DNAH12: variants seen among roughly 807,000 people sequenced by gnomAD.
DNAH12 encodes the protein axonemal beta dynein heavy chain 12.
A neutral mutation model predicts 371.5 loss-of-function variants in DNAH12; 285 were observed. That is an observed-to-expected ratio of 0.77 (90% confidence interval 0.70 to 0.85). The LOEUF is 0.85. DNAH12 is among the 40% of genes least tolerant of loss of function. The pLI is 0.00. For missense variants in DNAH12, 3,611 were observed against 3,689.4 expected (o/e 0.98, Z 0.55); for synonymous variants, 1,200 against 1,213.0 (o/e 0.99, Z 0.22).
intron 2 of DNAH12, among the ~76,000 whole-genome samples, chr3:57,525,128 T>C (rs1015020293): frequency 4.0e-5 from 4 of 100,144 alleles, no homozygotes; most frequent in Admixed American, 1.3e-4. Flanking sequence ...GCAAAGGAGA[T>C]ACCATCAGGT....
intron 69 of DNAH12, among the ~76,000 whole-genome samples, chr3:57,303,616 C>T (rs962783672): frequency 9.2e-5 from 14 of 151,790 alleles, no homozygotes; most frequent in South Asian, 2.1e-4. Flanking sequence ...GCCATGTTTC[C>T]GAAGCTGGGA....
chr3:57,486,309 C>A (rs2066922470), intron 12 of DNAH12, among the ~76,000 whole-genome samples: 1 of 152,036 alleles, frequency 6.6e-6, no homozygotes, highest in South Asian at 2.1e-4. Flanking sequence ...GAGGCTCACG[C>A]TTGTAAACCC....
chr3:57,323,693 C>T, intron 62 of DNAH12, 74 bp from the exon 63 acceptor site: 2 of 1,376,250 alleles, frequency 1.5e-6, no homozygotes, highest in East Asian at 5.3e-5. Flanking sequence ...TATTGAAAAA[C>T]AACAAAGAAT....
intron 25 of DNAH12, among the ~76,000 whole-genome samples, chr3:57,451,870 C>T (rs941542884): frequency 5.9e-5 from 9 of 152,114 alleles, no homozygotes; most frequent in African/African-American, 2.2e-4. Context: ...TCAGCTGTTT[C>T]CCCATAAGAT....
chr3:57,415,602 A>T, intron 37 of DNAH12, 38 bp from the exon 38 acceptor site: 1 of 1,499,024 alleles, frequency 6.7e-7, no homozygotes, highest in Non-Finnish European at 8.9e-7. Flanking sequence ...CAAAATGGAA[A>T]AAAAGTCAGA....
At chr3:57,322,921 C>A in intron 64 of DNAH12, 86 bp downstream of exon 64, 1 of 1,480,328 alleles carries the variant, frequency 6.8e-7, no homozygotes, top group Non-Finnish European at 9.0e-7. Context: ...CAGAGTAAGA[C>A]TCCGTCTCAA....
chr3:57,343,792 T>C (rs1258226647), intron 60 of DNAH12, among the ~76,000 whole-genome samples: 1 of 152,180 alleles, frequency 6.6e-6, no homozygotes, highest in East Asian at 1.9e-4. Flanking sequence ...AAAACCGCCC[T>C]ATGGTGGGAG....
intron 16 of DNAH12, among the ~76,000 whole-genome samples, chr3:57,470,165 G>A (rs776024544): frequency 3.3e-5 from 5 of 151,724 alleles, no homozygotes; most frequent in South Asian, 2.1e-4. Context: ...GTAATGTGCC[G>A]ACATTGTAAC....
At chr3:57,461,732 G>T (rs1328006830) in intron 18 of DNAH12, 43 bp from the exon 19 acceptor site, 1 of 1,475,398 alleles carries the variant, frequency 6.8e-7, no homozygotes. Context: ...GTGAAGAAAG[G>T]ATCTTATTTA....
At chr3:57,349,965 C>T (rs184491625) in intron 60 of DNAH12, among the ~76,000 whole-genome samples, 4 of 152,324 alleles carry the variant, frequency 2.6e-5, no homozygotes, top group African/African-American at 9.6e-5. Context: ...GCTGGGATTA[C>T]AGGCGTGGGC....
intron 47 of DNAH12, among the ~76,000 whole-genome samples, chr3:57,385,639 T>C (rs1297303342): frequency 1.3e-5 from 2 of 152,194 alleles, no homozygotes; most frequent in South Asian, 2.1e-4. Flanking sequence ...CCTAGCACTT[T>C]GGGAGGTCAA....
At chr3:57,484,073 G>A (rs540473162) in intron 12 of DNAH12, among the ~76,000 whole-genome samples, 1 of 150,948 alleles carries the variant, frequency 6.6e-6, no homozygotes, top group East Asian at 1.9e-4. Context: ...AAAAATTTTA[G>A]CGACCTCTTC....
intron 55 of DNAH12, among the ~76,000 whole-genome samples, chr3:57,368,492 T>TC (rs1189192494): frequency 7.4e-6 from 1 of 134,876 alleles, no homozygotes; most frequent in African/African-American, 2.6e-5. Context: ...CTGCCCAAGG[T>TC]CCCAAGGTTC....
rs1376121261 is a variant in DNAH12, at chr3:57,542,920, C to T, written c.-33-17G>A. On this transcript the variant is annotated splice_polypyrimidine_tract_variant and intron_variant, in intron 1 of 73. Coordinates refer to ENST00000495027, the MANE Select transcript of DNAH12 (RefSeq NM_001366028.2). ...CTCTGTACTCTGAGGAGAAAAAGTC[C>T]ATAAAGCCATTATTATGTCAGCAAG... 4 of 1,473,774 alleles carry T rather than the reference C, an allele frequency of 2.7e-6. No homozygotes were observed. The highest frequency in any genetic ancestry group is 1.4e-5 in the African/African-American group (1 of 70,164). 91.3% of individuals were successfully genotyped at this position (1,473,774 alleles called of 1,614,324 possible).
chr3:57,430,338 C>A (rs867541195), intron 32 of DNAH12, among the ~76,000 whole-genome samples: 32 of 152,088 alleles, frequency 2.1e-4, no homozygotes, highest in Middle Eastern at 3.2e-3. Context: ...TATGTAATCA[C>A]AATAACATTA....
chr3:57,304,847 C>G (rs1266885750), intron 69 of DNAH12, among the ~76,000 whole-genome samples: 1 of 152,062 alleles, frequency 6.6e-6, no homozygotes, highest in East Asian at 1.9e-4. Context: ...CCCTTCTCCA[C>G]TTTCCTGGGG....
intron 35 of DNAH12, among the ~76,000 whole-genome samples, chr3:57,422,978 G>GTATACATTTTT (rs1252716670): frequency 6.6e-6 from 1 of 152,158 alleles, no homozygotes; most frequent in South Asian, 2.1e-4. Flanking sequence ...ATTTAAAAAT[G>GTATACATTTTT]TATACATGTA....
In DNAH12 at chr3:57,483,695, T is replaced by C. The variant is rs917978684; in HGVS notation, c.1515-184A>G. Reference sequence around the variant, plus strand: ...GCACAGTGGCTCACACCTGTAATCATAGCACTTTGAAAGGCCAAGGCAGGC... The same window carrying C: ...GCACAGTGGCTCACACCTGTAATCACAGCACTTTGAAAGGCCAAGGCAGGC... On this transcript the variant is annotated intron_variant, in intron 12 of 73. Transcript: ENST00000495027. Among the ~76,000 whole-genome samples, 4 of 151,826 alleles carry C rather than the reference T, an allele frequency of 2.6e-5. No individual in the cohort carries two copies. The East Asian group carries it at 5.8e-4, about 22-fold the overall frequency.
chr3:57,412,934 T>C (rs985538385), intron 39 of DNAH12, among the ~76,000 whole-genome samples: 1 of 152,210 alleles, frequency 6.6e-6, no homozygotes, highest in Non-Finnish European at 1.5e-5. Context: ...TTGTGTTCCT[T>C]GGTATTTACT....
Sources: allele counts gnomAD v4.1 joint callset (sites outside exome capture counted in the v4.1 genomes callset), GRCh38; gene constraint gnomAD v4.1.1; transcripts MANE v1.5; gene names NCBI Gene and HGNC (gene_info 2026-07-23, HGNC 2026-07-21).